SPEN: variants seen among roughly 807,000 people sequenced by gnomAD.
The protein encoded by SPEN is msx2-interacting protein.
A neutral mutation model predicts 269.9 loss-of-function variants in SPEN; 18 were observed. The observed-to-expected ratio is 0.07, with a 90% CI of 0.05 to 0.10. SPEN has a LOEUF of 0.10. SPEN is among the 10% of genes least tolerant of loss of function. The pLI is 1.00. For synonymous variants in SPEN, 1,726 were observed against 1,765.7 expected, an observed-to-expected ratio of 0.98 and a Z score of 0.56; for missense variants, 3,822 against 4,631.2, an observed-to-expected ratio of 0.83 and a Z score of 5.07.
chr1:15,921,106 A>G, intron 9 of SPEN, 123 bp downstream of exon 9: 1 of 453,040 alleles, frequency 2.2e-6, no homozygotes, highest in Non-Finnish European at 3.9e-6. Context: ...CAGGTGGATC[A>G]CCTGAGGTCA....
Position 15,911,082 on chromosome 1 carries a change from G to GT in SPEN, c.1043-11dup, listed in dbSNP as rs750569649. 3.2e-4 allele frequency: 504 copies of GT among 1,570,996 alleles called. No homozygotes were observed. The highest frequency in any genetic ancestry group is 3.7e-4 in the Non-Finnish European group (429 of 1,155,948). Reference sequence around the variant, plus strand: ...TTAAATTAGAAGAATTAATAACTTGGTTTTTTTTGGGAATTTAGATACAAG... The same window carrying GT: ...TTAAATTAGAAGAATTAATAACTTGGTTTTTTTTTGGGAATTTAGATACAAG... On this transcript the variant is annotated intron_variant, in intron 4 of 14. Transcript: ENST00000375759.
At position 15,930,347 on chromosome 1, in the gene SPEN, T is replaced by C. The variant is rs1372914321; in HGVS notation, c.4107T>C (p.Ser1369=). ...IIKRDSLRKR[S]VRDLEPGEVP... ...AGAGAGATAGCCTTCGAAAAAGGTC[T>C]GTACGAGATCTGGAACCTGGTGAGG... is the stretch of plus-strand genomic sequence containing the variant. Residue 1369 remains serine, a synonymous_variant, in exon 11 of 15, where the codon TCT becomes TCC. Transcript: ENST00000375759. The surrounding 1 kb of genome is among the most constrained non-coding windows in gnomAD (Gnocchi z 5.3). 6.2e-7 allele frequency: 1 copy of C among 1,613,826 alleles called. No individual in the cohort carries two copies. The highest frequency in any genetic ancestry group is 8.5e-7 in the Non-Finnish European group (1 of 1,179,742).
intron 6 of SPEN, among the ~76,000 whole-genome samples, chr1:15,918,137 A>G (rs1312395770): frequency 6.6e-6 from 1 of 152,206 alleles, no homozygotes; most frequent in Admixed American, 6.5e-5. Context: ...TTAGACAGTT[A>G]TCTGTTATTT....
intron 2 of SPEN, among the ~76,000 whole-genome samples, chr1:15,875,138 AC>A (rs2070618100): frequency 6.6e-6 from 1 of 152,184 alleles, no homozygotes; most frequent in Admixed American, 6.5e-5. Flanking sequence ...CTAGTTCTCT[AC>A]AAAAGTAGAG....
intron 4 of SPEN, 32 bp from the exon 5 acceptor site, chr1:15,911,069 A>G (rs2071007585): frequency 6.5e-7 from 1 of 1,528,774 alleles, no homozygotes; most frequent in Non-Finnish European, 8.9e-7. Context: ...AAATTAGAAG[A>G]ATTAATAACT....
At chr1:15,936,604 G>A (rs889253361) in intron 11 of SPEN, among the ~76,000 whole-genome samples, 1 of 148,106 alleles carries the variant, frequency 6.8e-6, no homozygotes, top group East Asian at 2.0e-4. Context: ...AACCAAGGTC[G>A]TGCCACTAGG....
At position 15,935,686 on chromosome 1, in the gene SPEN, C is replaced by T. The variant is rs1205055178; in HGVS notation, c.9446C>T (p.Ala3149Val). ...CAGCCAGCCCCAGCTGGTGTGCCTG[C>T]ACTGGCCTCCCAGCACCCTCCCGAG... is the stretch of plus-strand genomic sequence containing the variant. The part of the protein sequence containing the change: ...TPQPAPAGVP[A>V]LASQHPPEEE... The change falls in exon 11 of 15, where the codon GCA becomes GTA. Residue 3149 changes from alanine (A) to valine (V), a missense_variant. This residue lies in a region of SPEN where 153 missense variants were observed against 228.5 expected (regional missense o/e 0.67). Coordinates refer to ENST00000375759, the MANE Select transcript of SPEN (RefSeq NM_015001.3). The surrounding 1 kb of genome is among the most constrained non-coding windows in gnomAD (Gnocchi z 7.7). 6.2e-7 allele frequency: 1 copy of T among 1,613,846 alleles called. No homozygotes were observed. The highest frequency in any genetic ancestry group is 1.1e-5 in the South Asian group (1 of 91,052).
At chr1:15,870,389 T>C (rs1379658969) in intron 1 of SPEN, among the ~76,000 whole-genome samples, 1 of 152,204 alleles carries the variant, frequency 6.6e-6, no homozygotes, top group Non-Finnish European at 1.5e-5. Flanking sequence ...TTTTCTCCCA[T>C]AGCAGGATTT....
intron 1 of SPEN, among the ~76,000 whole-genome samples, chr1:15,858,421 T>C (rs933500686): frequency 2.6e-5 from 4 of 152,196 alleles, no homozygotes; most frequent in African/African-American, 7.2e-5. Context: ...AAGGACACTT[T>C]CCTGTATTGC....
Position 15,848,831 on chromosome 1 carries a change from CGGA to C in SPEN, c.83+686_83+688del, listed in dbSNP as rs1220630701. On this transcript the variant is annotated intron_variant, in intron 1 of 14. Transcript: ENST00000375759. This position sits in a 1 kb window ranked among gnomAD's most constrained non-coding sequence, Gnocchi z 5.1. ...CCCGTTTGGGCTTCCTCGTCCCCGG[CGGA>C]GGAGACCGCGTCTGACAGGAGGTTG... Among the ~76,000 whole-genome samples, 3 of 152,204 alleles carry C rather than the reference CGGA, an allele frequency of 2.0e-5. No individual in the cohort carries two copies. The highest frequency in any genetic ancestry group is 2.0e-4 in the Admixed American group (3 of 15,282).
At chr1:15,917,545 A>G (rs2071077424) in intron 6 of SPEN, among the ~76,000 whole-genome samples, 1 of 152,128 alleles carries the variant, frequency 6.6e-6, no homozygotes, top group Admixed American at 6.5e-5. Context: ...GCCCGCCACC[A>G]TGCCCAGCTA....
intron 1 of SPEN, among the ~76,000 whole-genome samples, chr1:15,857,829 T>TA (rs1435340958): frequency 2.0e-5 from 3 of 151,802 alleles, no homozygotes; most frequent in East Asian, 3.9e-4. Context: ...TCCAGCTAAT[T>TA]AAAAAAATTT....
chr1:15,906,773 CTTTTTTTTTTTTT>C, intron 3 of SPEN, among the ~76,000 whole-genome samples: 1 of 96,516 alleles, frequency 1.0e-5, no homozygotes, highest in South Asian at 3.1e-4. Flanking sequence ...ATGTTTTCAT[CTTTTTTTTTTTTT>C]TTTTTTTTGA....
At chr1:15,917,295 A>G (rs1430858368) in intron 6 of SPEN, among the ~76,000 whole-genome samples, 2 of 152,224 alleles carry the variant, frequency 1.3e-5, no homozygotes, top group African/African-American at 4.8e-5. Flanking sequence ...TGTTAGATTA[A>G]GGGGTACAAG....
chr1:15,937,598 C>T lies in SPEN; in HGVS notation c.10462C>T (p.Pro3488Ser), dbSNP rs1469471358. 1 of 1,614,148 alleles carries T rather than the reference C, an allele frequency of 6.2e-7. No homozygotes were observed. Among genetic ancestry groups the T allele is most frequent in the East Asian group, 2.2e-5 (1 of 44,886 alleles). The part of the protein sequence containing the change: ...FQPAPKQDSS[P>S]HLTSQRPVDM... The stretch of plus-strand genomic sequence containing the variant: ...GCCAGCCCCCAAACAAGATTCCTCT[C>T]CACACCTGACTTCCCAGAGACCCGT... The change falls in exon 12 of 15, where the codon CCA (proline) becomes TCA (serine). Residue 3488 changes from proline to serine, a missense_variant. Coordinates refer to ENST00000375759, the MANE Select transcript of SPEN (RefSeq NM_015001.3). This position sits in a 1 kb window ranked among gnomAD's most constrained non-coding sequence, Gnocchi z 5.7.
Position 15,935,845 on chromosome 1 carries a change from A to G in SPEN, c.9605A>G (p.His3202Arg). ...GATGTGAGGATCATGGTGCATCCAC[A>G]TGTGACGGCAGTCAGCGAGCAGCCC... ...PRDVRIMVHP[H>R]VTAVSEQPRA... The change falls in exon 11 of 15, where the codon CAT (histidine) becomes CGT (arginine). Residue 3202 changes from histidine to arginine, a missense_variant. By Grantham distance (29) the His-to-Arg change is conservative. Transcript: ENST00000375759. This position sits in a 1 kb window ranked among gnomAD's most constrained non-coding sequence, Gnocchi z 7.7. 6.2e-7 allele frequency: 1 copy of G among 1,613,748 alleles called. No individual in the cohort carries two copies. Among genetic ancestry groups the G allele is most frequent in the Admixed American group, 1.7e-5 (1 of 60,016 alleles).
At position 15,874,295 on chromosome 1, in the gene SPEN, G is replaced by GATT. The variant is rs1458840826; in HGVS notation, c.404+1161_404+1163dup. Reference sequence around the variant, plus strand: ...GACACCCTTGCCCATTAAGAAGGTGGATTACCCCCATAAGAGGGGCCAAAA... The same window carrying GATT: ...GACACCCTTGCCCATTAAGAAGGTGGATTATTACCCCCATAAGAGGGGCCAAAA... On this transcript the variant is annotated intron_variant, in intron 2 of 14. Coordinates refer to ENST00000375759, the MANE Select transcript of SPEN (RefSeq NM_015001.3). 8 of 1,366,316 alleles carry GATT rather than the reference G, an allele frequency of 5.9e-6. No homozygotes were observed. In the African/African-American group the frequency reaches 1.2e-4, roughly 20 times the overall value. 84.6% of individuals were successfully genotyped at this position (1,366,316 alleles called of 1,614,324 possible).
intron 6 of SPEN, among the ~76,000 whole-genome samples, chr1:15,917,089 C>G (rs1557754447): frequency 6.6e-6 from 1 of 152,310 alleles, no homozygotes; most frequent in East Asian, 1.9e-4. Flanking sequence ...GATCACGCCA[C>G]TGTACTCCAG....
intron 3 of SPEN, among the ~76,000 whole-genome samples, chr1:15,886,447 C>G (rs1402436954): frequency 6.6e-6 from 1 of 152,156 alleles, no homozygotes; most frequent in Non-Finnish European, 1.5e-5. Context: ...CTTGTTTTGC[C>G]AGAGTTTCTC....
Sources: gnomAD v4.1 joint callset for allele counts (sites outside exome capture counted in the v4.1 genomes callset) on GRCh38, gnomAD v4.1.1 for gene constraint, gnomAD v4.1.1 regional missense constraint, Gnocchi (gnomAD v3.1) non-coding constraint, MANE v1.5 for transcripts, NCBI Gene and HGNC (gene_info 2026-07-23, HGNC 2026-07-21) for gene names.